Variants in PLPPR3 observed in about 807,000 individuals in gnomAD.
The protein encoded by PLPPR3 is phospholipid phosphatase related 3.
A neutral mutation model predicts 27.3 loss-of-function variants in PLPPR3; 14 were observed. The ratio of observed to expected loss-of-function variants is 0.51; its 90% CI spans 0.34 to 0.80. PLPPR3 has a LOEUF of 0.80. PLPPR3 is among the 30% of genes least tolerant of loss of function. The pLI is 0.01. For missense variants in PLPPR3, 1,287 were observed against 1,056.9 expected (o/e 1.22, Z -3.02); for synonymous variants, 671 against 508.0 (o/e 1.32, Z -4.32).
chr19:821,617 C>T (rs1262762486), intron 1 of PLPPR3, 32 bp from the exon 2 acceptor site: 3 of 1,333,274 alleles, frequency 2.3e-6, no homozygotes, highest in Middle Eastern at 2.5e-4. Context: ...TGGAGGGGGG[C>T]GCGCAGGCGG....
At chr19:814,193 CT>C (rs2035008498) in intron 7 of PLPPR3, among the ~76,000 whole-genome samples, 1 of 151,126 alleles carries the variant, frequency 6.6e-6, no homozygotes, top group Non-Finnish European at 1.5e-5. Context: ...TGCCTCCCCC[CT>C]AGAGCCCCTG....
chr19:813,934 CAG>C lies in PLPPR3; in HGVS notation c.832-41_832-40del. 2 of 1,413,302 alleles carry C rather than the reference CAG, an allele frequency of 1.4e-6. No homozygotes were observed. Among genetic ancestry groups the C allele is most frequent in the Non-Finnish European group, 1.8e-6 (2 of 1,091,500 alleles). The allele number at this position is 1,413,302 out of a possible 1,614,324, so 87.5% of individuals were successfully genotyped here. A position where few individuals can be genotyped will look rare whatever the true frequency, so the allele number is the denominator to read the frequency against. ...GGGTCTGGGGGTGAGGCCTGGGGCT[CAG>C]AGGGCTCCTCCCCTGTGATCGTTGG... On this transcript the variant is annotated intron_variant, in intron 7 of 7. Coordinates refer to ENST00000520876, the MANE Select transcript of PLPPR3 (RefSeq NM_001270366.2). The surrounding 1 kb of genome is among the most constrained non-coding windows in gnomAD (Gnocchi z 4.1).
Position 813,777 on chromosome 19 carries a change from T to C in PLPPR3, c.950A>G (p.Gln317Arg), listed in dbSNP as rs942553845. The stretch of plus-strand genomic sequence containing the variant: ...CTCGTCGGTGCTCACCGACTTATTC[T>C]GCTGATAAACCGAGTCGTGGCCCCG... ...TQRGHDSVYQQNKSVSTDELG... is the reference protein window; with the variant it reads ...TQRGHDSVYQRNKSVSTDELG... The change falls in exon 8 of 8, where the codon CAG becomes CGG. Residue 317 changes from glutamine (Q) to arginine (R), a missense_variant. Gln to Arg is a conservative substitution (Grantham distance 43). Coordinates refer to ENST00000520876, the MANE Select transcript of PLPPR3 (RefSeq NM_001270366.2). The surrounding 1 kb of genome is among the most constrained non-coding windows in gnomAD (Gnocchi z 4.1). 32 of 1,528,232 alleles carry C rather than the reference T, an allele frequency of 2.1e-5. No individual in the cohort carries two copies. Among genetic ancestry groups the C allele is most frequent in the Admixed American group, 2.0e-4 (10 of 49,860 alleles). 94.7% of individuals were successfully genotyped at this position (1,528,232 alleles called of 1,614,324 possible). A position where few individuals can be genotyped will look rare whatever the true frequency, so the allele number is the denominator to read the frequency against.
Position 815,770 on chromosome 19 carries a change from G to A in PLPPR3, c.157C>T (p.Gln53Ter). 1 of 1,612,854 alleles carries A rather than the reference G, an allele frequency of 6.2e-7. No individual in the cohort carries two copies. The highest frequency in any genetic ancestry group is 2.2e-5 in the East Asian group (1 of 44,882). ...DLFKPAKVGF[Q>*]CYDRTLSMPY... Reference sequence around the variant, plus strand: ...ATGGAGAGAGTGCGGTCATAGCACTGGAAGCCCACCTTGGCCGGCTTGAAG... The same window carrying A: ...ATGGAGAGAGTGCGGTCATAGCACTAGAAGCCCACCTTGGCCGGCTTGAAG... The change falls in exon 3 of 8, where the codon CAG becomes TAG. Residue 53 changes from glutamine to a stop codon, truncating the protein, a stop_gained. Coordinates refer to ENST00000520876, the MANE Select transcript of PLPPR3 (RefSeq NM_001270366.2). LOFTEE classifies it high-confidence loss of function.
At chr19:816,335 ACCCACCCATCCAT>A (rs1292433669) in intron 2 of PLPPR3, among the ~76,000 whole-genome samples, 6 of 43,102 alleles carry the variant, frequency 1.4e-4, no homozygotes, top group Admixed American at 1.3e-3. Context: ...CCATCCACCC[ACCCACCCATCCAT>A]CCGTCCATTC....
intron 2 of PLPPR3, among the ~76,000 whole-genome samples, chr19:817,543 G>A (rs932798052): frequency 6.6e-6 from 1 of 152,194 alleles, no homozygotes; most frequent in African/African-American, 2.4e-5. Flanking sequence ...TGAAGTGCTG[G>A]GATTACAGGC....
Position 813,033 on chromosome 19 carries a change from T to G in PLPPR3, c.1694A>C (p.Asp565Ala), listed in dbSNP as rs1197240000. The G allele has an allele frequency of 6.6e-7, 1 of 1,516,582 alleles. No homozygotes were observed. Among genetic ancestry groups the G allele is most frequent in the Non-Finnish European group, 8.8e-7 (1 of 1,140,792 alleles). The allele number at this position is 1,516,582 out of a possible 1,614,324, so 93.9% of individuals were successfully genotyped here. The change falls in exon 8 of 8, where the codon GAC becomes GCC. Residue 565 changes from aspartate (D) to alanine (A), a missense_variant. Asp to Ala is a moderately radical substitution (Grantham distance 126, BLOSUM62 -2). Transcript: ENST00000520876. The surrounding 1 kb of genome is among the most constrained non-coding windows in gnomAD (Gnocchi z 4.1). ...CGACGGCGACCGGTACTGCGAGGAG[T>G]CGGAGCTGGCGCTGGACGACGACGC... ...ETASSSSASS[D>A]SSQYRSPSDR...
chr19:812,941 A>C lies in PLPPR3; in HGVS notation c.1786T>G (p.Ser596Ala). 1.0e-5 allele frequency: 14 copies of C among 1,374,560 alleles called. No individual in the cohort carries two copies. Among genetic ancestry groups the C allele is most frequent in the Non-Finnish European group, 1.2e-5 (13 of 1,064,524 alleles). 85.1% of individuals were successfully genotyped at this position (1,374,560 alleles called of 1,614,324 possible). The change falls in exon 8 of 8, where the codon TCG (serine) becomes GCG (alanine). Residue 596 changes from serine to alanine, a missense_variant. Transcript: ENST00000520876. ...CACTCCCAGGGCGCGCCGCCGGCCG[A>C]CAGGTGCACCACGGGGTGGTGCGGC... ...HAPHHPVVHL[S>A]AGGAPWEWKA...
chr19:813,941 C>A lies in PLPPR3; in HGVS notation c.832-46G>T. ...GGGGTGAGGCCTGGGGCTCAGAGGG[C>A]TCCTCCCCTGTGATCGTTGGACTTG... On this transcript the variant is annotated intron_variant, in intron 7 of 7. Transcript: ENST00000520876. This position sits in a 1 kb window ranked among gnomAD's most constrained non-coding sequence, Gnocchi z 4.1. 1 of 1,411,882 alleles carries A rather than the reference C, an allele frequency of 7.1e-7. No individual in the cohort carries two copies. Among genetic ancestry groups the A allele is most frequent in the South Asian group, 1.5e-5 (1 of 65,272 alleles). The allele number at this position is 1,411,882 out of a possible 1,614,324, so 87.5% of individuals were successfully genotyped here.
chr19:823,455 A>C (rs1274481840), upstream of PLPPR3, among the ~76,000 whole-genome samples: 60 of 132,068 alleles, frequency 4.5e-4, no homozygotes, highest in South Asian at 1.6e-3. Flanking sequence ...AAAAAAAAAA[A>C]AAACAAACAA....
chr19:814,308 C>A, intron 7 of PLPPR3, 126 bp downstream of exon 7: 2 of 937,800 alleles, frequency 2.1e-6, no homozygotes, highest in Non-Finnish European at 3.1e-6. Context: ...TGTCAGACCC[C>A]CTGAGCCTGC....
At chr19:815,107 C>G (rs113614617) in intron 4 of PLPPR3, 26 bp from the exon 5 acceptor site, 75,952 of 1,600,768 alleles carry the variant, frequency 0.047, 2,056 homozygotes, top group Middle Eastern at 0.07. Context: ...CTCGGCCAGG[C>G]GGGGAGCTGG....
rs942645095 is a variant in PLPPR3, at chr19:813,901, G to T, written c.832-6C>A. 3.5e-6 allele frequency: 5 copies of T among 1,429,176 alleles called. No homozygotes were observed. Among genetic ancestry groups the T allele is most frequent in the Non-Finnish European group, 4.6e-6 (5 of 1,098,540 alleles). The allele number at this position is 1,429,176 out of a possible 1,614,324, so 88.5% of individuals were successfully genotyped here. ...TTGCCCACCGCGTGGCAGGCCTGTC[G>T]GGGAGAGGGGTCTGGGGGTGAGGCC... On this transcript the variant is annotated splice_region_variant and splice_polypyrimidine_tract_variant and intron_variant, in intron 7 of 7. Transcript: ENST00000520876. The surrounding 1 kb of genome is among the most constrained non-coding windows in gnomAD (Gnocchi z 4.1).
intron 2 of PLPPR3, 100 bp from the exon 3 acceptor site, chr19:815,951 A>T: frequency 8.3e-7 from 1 of 1,204,194 alleles, no homozygotes; most frequent in Non-Finnish European, 1.2e-6. Flanking sequence ...TCACTCACCT[A>T]TCCACAGATC....
At chr19:818,963 T>A (rs1568287017) in intron 2 of PLPPR3, among the ~76,000 whole-genome samples, 1 of 91,724 alleles carries the variant, frequency 1.1e-5, no homozygotes, top group East Asian at 2.8e-4. Flanking sequence ...TCGGCCTTAT[T>A]ATTATTATTT....
At chr19:821,405 C>G (rs1228787560) in intron 2 of PLPPR3, 80 bp downstream of exon 2, 10 of 1,326,666 alleles carry the variant, frequency 7.5e-6, no homozygotes, top group Non-Finnish European at 1.0e-5. Flanking sequence ...TGCGCCGGCT[C>G]CGGTCCCCCA....
intron 2 of PLPPR3, among the ~76,000 whole-genome samples, chr19:818,225 A>G (rs1296569539): frequency 3.3e-5 from 5 of 151,998 alleles, no homozygotes; most frequent in African/African-American, 1.2e-4. Context: ...TCTACTAAAA[A>G]TACAAAAATT....
chr19:814,780 C>T, intron 5 of PLPPR3, 31 bp from the exon 6 acceptor site: 1 of 1,558,610 alleles, frequency 6.4e-7, no homozygotes, highest in South Asian at 1.2e-5. Context: ...GAGCCCCGCC[C>T]ACCTGGGGAC....
chr19:814,362 G>C, intron 7 of PLPPR3, 72 bp downstream of exon 7: 10 of 1,430,328 alleles, frequency 7.0e-6, no homozygotes, highest in Non-Finnish European at 9.4e-6. Context: ...CTCAGGCCCT[G>C]TGGGCACTCA....
Sources: gnomAD v4.1 joint callset for allele counts (sites outside exome capture counted in the v4.1 genomes callset) on GRCh38, gnomAD v4.1.1 for gene constraint, Gnocchi (gnomAD v3.1) non-coding constraint, MANE v1.5 for transcripts, NCBI Gene and HGNC (gene_info 2026-07-23, HGNC 2026-07-21) for gene names.